DUSP3: variants seen among roughly 807,000 people sequenced by gnomAD.
The protein encoded by DUSP3 is dual specificity phosphatase 3.
DUSP3 carries 7 observed loss-of-function variants against 15.5 expected under a neutral mutation model. That is an observed-to-expected ratio of 0.45 (90% CI 0.26 to 0.85). The LOEUF (loss-of-function observed/expected upper bound fraction) is 0.85. Ranked by LOEUF, DUSP3 falls within the 40% of genes least tolerant of loss-of-function variation. DUSP3 has a pLI of 0.18. For missense variants in DUSP3, 209 were observed against 251.7 expected, an observed-to-expected ratio of 0.83 and a Z score of 1.15; for synonymous variants, 86 against 104.2, an observed-to-expected ratio of 0.83 and a Z score of 1.07.
chr17:43,778,961 G>A lies in DUSP3; in HGVS notation c.-37C>T. On this transcript the variant is annotated 5_prime_UTR_variant, in exon 1 of 3. Coordinates refer to ENST00000226004, the MANE Select transcript of DUSP3 (RefSeq NM_004090.4). ...GGCCCTGCACGCCCGGCAGGAGCAAGCGAGGCGGAGAGCGGCGGATCAGCT... is the reference window on the plus strand; with the variant it reads ...GGCCCTGCACGCCCGGCAGGAGCAAACGAGGCGGAGAGCGGCGGATCAGCT... 7.4e-7 allele frequency: 1 copy of A among 1,344,408 alleles called. No individual in the cohort carries two copies. Among genetic ancestry groups the A allele is most frequent in the Non-Finnish European group, 9.6e-7 (1 of 1,040,420 alleles). 83.3% of individuals were successfully genotyped at this position (1,344,408 alleles called of 1,614,324 possible).
intron 1 of DUSP3, 101 bp from the exon 2 acceptor site, chr17:43,775,039 C>T: frequency 8.2e-7 from 1 of 1,220,118 alleles, no homozygotes; most frequent in Non-Finnish European, 1.2e-6. Flanking sequence ...AGCAAGGAAA[C>T]CCTCCATGCT....
In DUSP3 at chr17:43,773,690, T is replaced by C. The variant is rs192842354; in HGVS notation, c.352+1022A>G. On this transcript the variant is annotated intron_variant, in intron 2 of 2. Transcript: ENST00000226004. ...TGTTCTTAAAGAGAGAGACTGGGCA[T>C]GGTGGCACGTGCTTGTAGTCCCAGC... is the stretch of plus-strand genomic sequence containing the variant. Among the ~76,000 whole-genome samples, 14 of 152,242 alleles carry C rather than the reference T, an allele frequency of 9.2e-5. No homozygotes were observed. The East Asian group carries it at 2.7e-3, about 29-fold the overall frequency.
At chr17:43,778,193 G>T (rs990965186) in intron 1 of DUSP3, 1 of 152,818 alleles carries the variant, frequency 6.5e-6, no homozygotes, top group African/African-American at 2.4e-5. Flanking sequence ...AGGTCCTTAG[G>T]GGGGTTATCA....
At position 43,767,755 on chromosome 17, in the gene DUSP3, A is replaced by C. The variant is rs373268854; in HGVS notation, c.*1854T>G. The C allele has an allele frequency of 1.3e-5, 2 of 152,262 alleles. No individual in the cohort carries two copies. The highest frequency in any genetic ancestry group is 1.9e-4 in the East Asian group (1 of 5,184). The allele number at this position is 152,262 out of a possible 1,614,324, so 9.4% of individuals were successfully genotyped here. On this transcript the variant is annotated 3_prime_UTR_variant, in exon 3 of 3. Coordinates refer to ENST00000226004, the MANE Select transcript of DUSP3 (RefSeq NM_004090.4). ...GGTTTATCTGGACACCTTTTTCACT[A>C]TCTGGAGAAGAAGACACATACTGGT...
In DUSP3 at chr17:43,767,405, G is replaced by A. The variant is rs1403721138; in HGVS notation, c.*2204C>T. The A allele has an allele frequency of 1.3e-5, 2 of 152,660 alleles. No homozygotes were observed. The highest frequency in any genetic ancestry group is 2.9e-5 in the Non-Finnish European group (2 of 68,110). 9.5% of individuals were successfully genotyped at this position (152,660 alleles called of 1,614,324 possible). A position where few individuals can be genotyped will look rare whatever the true frequency, so the allele number is the denominator to read the frequency against. The stretch of plus-strand genomic sequence containing the variant: ...CCTTTTCACTTGCTTCTCCGGGGCT[G>A]GATTGAGGGTAAGTGCAGTACACCT... On this transcript the variant is annotated 3_prime_UTR_variant, in exon 3 of 3. Coordinates refer to ENST00000226004, the MANE Select transcript of DUSP3 (RefSeq NM_004090.4).
At chr17:43,775,475 T>C (rs886440215) in intron 1 of DUSP3, among the ~76,000 whole-genome samples, 2 of 152,202 alleles carry the variant, frequency 1.3e-5, no homozygotes, top group Non-Finnish European at 2.9e-5. Context: ...AAATGGGCTA[T>C]TCCATTGACA....
chr17:43,770,899 C>T (rs1486893056), intron 2 of DUSP3, among the ~76,000 whole-genome samples: 2 of 151,648 alleles, frequency 1.3e-5, no homozygotes, highest in Non-Finnish European at 2.9e-5. Context: ...GCTGGGACTA[C>T]AGGCGCATGC....
rs1323364836 is a variant in DUSP3 at position 43,767,406 on chromosome 17, G to C, written c.*2203C>G. The C allele has an allele frequency of 1.3e-5, 2 of 152,686 alleles. No individual in the cohort carries two copies. The highest frequency in any genetic ancestry group is 2.9e-5 in the Non-Finnish European group (2 of 68,108). The allele number at this position is 152,686 out of a possible 1,614,324, so 9.5% of individuals were successfully genotyped here. On this transcript the variant is annotated 3_prime_UTR_variant, in exon 3 of 3. Coordinates refer to ENST00000226004, the MANE Select transcript of DUSP3 (RefSeq NM_004090.4). ...CTTTTCACTTGCTTCTCCGGGGCTG[G>C]ATTGAGGGTAAGTGCAGTACACCTG...
intron 2 of DUSP3, among the ~76,000 whole-genome samples, chr17:43,771,798 C>A (rs950897197): frequency 9.2e-5 from 14 of 152,156 alleles, no homozygotes; most frequent in African/African-American, 3.4e-4. Context: ...CCCCTGAAGT[C>A]AGGAGTTCGA....
Position 43,769,485 on chromosome 17 carries a change from T to C in DUSP3, c.*124A>G. The stretch of plus-strand genomic sequence containing the variant: ...GGCCCAGGACTGTGTTGGGACACAC[T>C]TGTAGACAAGTGCCTTGTGATGCTG... On this transcript the variant is annotated 3_prime_UTR_variant, in exon 3 of 3. Coordinates refer to ENST00000226004, the MANE Select transcript of DUSP3 (RefSeq NM_004090.4). The C allele has an allele frequency of 2.6e-6, 3 of 1,170,872 alleles. No homozygotes were observed. Among genetic ancestry groups the C allele is most frequent in the South Asian group, 1.4e-5 (1 of 72,438 alleles). The allele number at this position is 1,170,872 out of a possible 1,614,324, so 72.5% of individuals were successfully genotyped here. A position where few individuals can be genotyped will look rare whatever the true frequency, so the allele number is the denominator to read the frequency against.
chr17:43,777,348 T>C (rs927730327), intron 1 of DUSP3, among the ~76,000 whole-genome samples: 3 of 152,200 alleles, frequency 2.0e-5, no homozygotes, highest in African/African-American at 7.2e-5. Flanking sequence ...GAATGAACAT[T>C]GTACAGTGCC....
At position 43,778,939 on chromosome 17, in the gene DUSP3, C is replaced by A; in HGVS notation, c.-15G>T. 1 of 1,434,484 alleles carries A rather than the reference C, an allele frequency of 7.0e-7. No individual in the cohort carries two copies. Among genetic ancestry groups the A allele is most frequent in the Non-Finnish European group, 9.2e-7 (1 of 1,088,318 alleles). 88.9% of individuals were successfully genotyped at this position (1,434,484 alleles called of 1,614,324 possible). On this transcript the variant is annotated 5_prime_UTR_variant, in exon 1 of 3. Transcript: ENST00000226004. ...GAGCCCGACATGGCGGCGGCGGGGC[C>A]CTGCACGCCCGGCAGGAGCAAGCGA...
At chr17:43,775,030 G>A in intron 1 of DUSP3, 92 bp from the exon 2 acceptor site, 1 of 1,328,214 alleles carries the variant, frequency 7.5e-7, no homozygotes, top group Non-Finnish European at 1.1e-6. Context: ...TCTTAGCAAA[G>A]CAAGGAAACC....
Position 43,769,526 on chromosome 17 carries a change from G to T in DUSP3, c.*83C>A. 6.7e-7 allele frequency: 1 copy of T among 1,496,012 alleles called. No individual in the cohort carries two copies. The highest frequency in any genetic ancestry group is 9.2e-7 in the Non-Finnish European group (1 of 1,086,098). 92.7% of individuals were successfully genotyped at this position (1,496,012 alleles called of 1,614,324 possible). On this transcript the variant is annotated 3_prime_UTR_variant, in exon 3 of 3. Transcript: ENST00000226004. The stretch of plus-strand genomic sequence containing the variant: ...TGTGATGCTGGGAGCAGGGTACAGT[G>T]TGTTTCCTAAACATGGCAGCTCGGG...
At chr17:43,771,101 C>G (rs751308566) in intron 2 of DUSP3, among the ~76,000 whole-genome samples, 2 of 151,480 alleles carry the variant, frequency 1.3e-5, no homozygotes, top group African/African-American at 4.9e-5. Context: ...GACCTCCTGC[C>G]GATACCCAAA....
At position 43,774,805 on chromosome 17, in the gene DUSP3, C is replaced by G; in HGVS notation, c.259G>C (p.Gly87Arg). ...FYKDSGITYL[G>R]IKANDTQEFN... ...TCCTGTGTGTCGTTGGCCTTGATGC[C>G]CAGGTATGTGATGCCGGAGTCCTTG... is the stretch of plus-strand genomic sequence containing the variant. The change falls in exon 2 of 3, where the codon GGC (glycine) becomes CGC (arginine). Residue 87 changes from glycine (G) to arginine (R), a missense_variant. Transcript: ENST00000226004. 6.2e-7 allele frequency: 1 copy of G among 1,614,126 alleles called. No homozygotes were observed. The highest frequency in any genetic ancestry group is 8.5e-7 in the Non-Finnish European group (1 of 1,180,028).
At chr17:43,771,289 C>T (rs1380499842) in intron 2 of DUSP3, among the ~76,000 whole-genome samples, 1 of 151,984 alleles carries the variant, frequency 6.6e-6, no homozygotes, top group Non-Finnish European at 1.5e-5. Context: ...AAAATCTGTA[C>T]ATGTTCAGTA....
At chr17:43,777,840 T>TA (rs200693168) in intron 1 of DUSP3, 18,610 of 198,634 alleles carry the variant, frequency 0.094, 1,111 homozygotes, top group African/African-American at 0.17. Flanking sequence ...AAATTTAAAT[T>TA]AAAAAAAATC....
chr17:43,774,209 T>G, intron 2 of DUSP3: 2 of 265,090 alleles, frequency 7.5e-6, no homozygotes, highest in Non-Finnish European at 1.5e-5. Context: ...TTTGTCCTGC[T>G]TGGATGTGGT....
Sources: gnomAD v4.1 joint callset for allele counts (sites outside exome capture counted in the v4.1 genomes callset) on GRCh38, gnomAD v4.1.1 for gene constraint, MANE v1.5 for transcripts, NCBI Gene and HGNC (gene_info 2026-07-23, HGNC 2026-07-21) for gene names.